The following ATG5 variants were observed in gnomAD, a reference collection of about 807,000 sequenced individuals.
The protein encoded by ATG5 is autophagy related 5, also known as autophagy protein 5.
In ATG5, 14 loss-of-function variants were observed where a neutral mutation model predicts 36.5. The ratio of observed to expected loss-of-function variants is 0.38; its 90% CI spans 0.25 to 0.60. ATG5 has a LOEUF of 0.60. Among genes scored for constraint, ATG5 ranks in the 20% least tolerant of loss-of-function variants. ATG5 has a pLI of 0.60. For synonymous variants in ATG5, 95 were observed against 101.5 expected (o/e 0.94, Z 0.38); for missense variants, 195 against 326.7 (o/e 0.60, Z 3.11).
At chr6:106,304,681 G>T (rs1035339496) in intron 3 of ATG5, among the ~76,000 whole-genome samples, 1 of 152,156 alleles carries the variant, frequency 6.6e-6, no homozygotes, top group East Asian at 1.9e-4. Context: ...GAAGGAAGAG[G>T]TAACTGTAAA....
At chr6:106,296,616 A>G (rs1419828527) in intron 3 of ATG5, among the ~76,000 whole-genome samples, 1 of 152,162 alleles carries the variant, frequency 6.6e-6, no homozygotes, top group Admixed American at 6.5e-5. Context: ...TTAGGAATTC[A>G]AGACCAGGCT....
At chr6:106,188,859 T>G (rs1775867680) in intron 7 of ATG5, among the ~76,000 whole-genome samples, 1 of 152,228 alleles carries the variant, frequency 6.6e-6, no homozygotes, top group African/African-American at 2.4e-5. Flanking sequence ...AAATATATTA[T>G]TTTGTCACTG....
At chr6:106,278,030 G>C (rs766535189) in intron 5 of ATG5, among the ~76,000 whole-genome samples, 8 of 151,914 alleles carry the variant, frequency 5.3e-5, no homozygotes, top group Non-Finnish European at 4.4e-5. Flanking sequence ...CTGTAACCTT[G>C]AACTCCTTGG....
chr6:106,231,311 CA>C lies in ATG5; in HGVS notation c.573+16838del, dbSNP rs1353840654. Among the ~76,000 whole-genome samples the C allele has an allele frequency of 9.2e-5, 14 of 152,308 alleles. No homozygotes were observed. In the East Asian group the frequency reaches 2.5e-3, roughly 27 times the overall value. On this transcript the variant is annotated intron_variant, in intron 6 of 7. Transcript: ENST00000369076. Reference sequence around the variant, plus strand: ...TTACTGCTAAATCAGACACTAACCCCAAATGACAGAAGTGTCGCCGTAACTG... The same window carrying C: ...TTACTGCTAAATCAGACACTAACCCCAATGACAGAAGTGTCGCCGTAACTG...
chr6:106,188,514 C>A (rs1039630057), intron 7 of ATG5, among the ~76,000 whole-genome samples: 12 of 152,052 alleles, frequency 7.9e-5, no homozygotes, highest in Admixed American at 7.2e-4. Flanking sequence ...GTATCTAAAG[C>A]AATATTTAAA....
chr6:106,313,426 T>C (rs1045186676), intron 2 of ATG5, among the ~76,000 whole-genome samples: 12 of 152,238 alleles, frequency 7.9e-5, no homozygotes, highest in African/African-American at 2.9e-4. Flanking sequence ...TAAGGGTCCA[T>C]GACATTGATG....
intron 6 of ATG5, among the ~76,000 whole-genome samples, chr6:106,219,120 T>TTA (rs1163203074): frequency 1.3e-5 from 2 of 152,214 alleles, no homozygotes; most frequent in Non-Finnish European, 2.9e-5. Context: ...TTCTTTTGTT[T>TTA]TATAACTATG....
At chr6:106,272,107 G>A (rs1779475269) in intron 5 of ATG5, among the ~76,000 whole-genome samples, 1 of 152,030 alleles carries the variant, frequency 6.6e-6, no homozygotes, top group Non-Finnish European at 1.5e-5. Context: ...TTCTCTCATG[G>A]CACTCATCAT....
intron 5 of ATG5, among the ~76,000 whole-genome samples, chr6:106,248,799 G>A (rs527599241): frequency 1.7e-4 from 26 of 152,056 alleles, no homozygotes; most frequent in Non-Finnish European, 3.4e-4. Flanking sequence ...TTAGCCAGGC[G>A]TGGTGGTGCA....
At chr6:106,207,272 A>C (rs1384146538) in intron 6 of ATG5, among the ~76,000 whole-genome samples, 1 of 152,218 alleles carries the variant, frequency 6.6e-6, no homozygotes, top group Non-Finnish European at 1.5e-5. Flanking sequence ...CTTATATGGG[A>C]AATTTACAGT....
intron 5 of ATG5, among the ~76,000 whole-genome samples, chr6:106,266,105 C>T (rs931593620): frequency 6.7e-6 from 1 of 150,008 alleles, no homozygotes; most frequent in Non-Finnish European, 1.5e-5. Context: ...ACTAGCTAGA[C>T]TAATAAAGAA....
At chr6:106,240,500 G>A (rs1159871503) in intron 6 of ATG5, among the ~76,000 whole-genome samples, 3 of 150,420 alleles carry the variant, frequency 2.0e-5, no homozygotes, top group South Asian at 2.1e-4. Context: ...CTCACTAAGT[G>A]TGAGAGAATT....
chr6:106,296,605 G>A (rs968996961), intron 3 of ATG5, among the ~76,000 whole-genome samples: 2 of 152,142 alleles, frequency 1.3e-5, no homozygotes, highest in Non-Finnish European at 2.9e-5. Context: ...TTCACCTGAG[G>A]TTAGGAATTC....
Position 106,313,825 on chromosome 6 carries a change from C to T in ATG5, c.108+2276G>A, listed in dbSNP as rs1770743274. On this transcript the variant is annotated intron_variant, in intron 2 of 7. Transcript: ENST00000369076. ...CCTCATCTGTAATTCTAAGACTAGC[C>T]ATCACTGATGTTTTATATATTTTCT... Among the ~76,000 whole-genome samples, 3 of 152,118 alleles carry T rather than the reference C, an allele frequency of 2.0e-5. No individual in the cohort carries two copies. The South Asian group carries it at 6.2e-4, about 31-fold the overall frequency.
At chr6:106,187,376 A>G (rs1196092107) in intron 7 of ATG5, among the ~76,000 whole-genome samples, 2 of 152,176 alleles carry the variant, frequency 1.3e-5, no homozygotes, top group Non-Finnish European at 2.9e-5. Flanking sequence ...TGTATTCCAA[A>G]TTAAACTTAA....
chr6:106,204,794 T>C (rs1468915300), intron 6 of ATG5, among the ~76,000 whole-genome samples: 2 of 152,218 alleles, frequency 1.3e-5, no homozygotes, highest in Non-Finnish European at 2.9e-5. Context: ...TGTGAGTCAA[T>C]TAAACCTTTT....
intron 6 of ATG5, among the ~76,000 whole-genome samples, chr6:106,219,288 T>C (rs1777153345): frequency 6.6e-6 from 1 of 152,200 alleles, no homozygotes; most frequent in South Asian, 2.1e-4. Flanking sequence ...TTGCAAATGT[T>C]ATAAAGTTCA....
intron 5 of ATG5, among the ~76,000 whole-genome samples, chr6:106,260,477 G>A (rs1778976820): frequency 6.6e-6 from 1 of 152,200 alleles, no homozygotes; most frequent in South Asian, 2.1e-4. Flanking sequence ...ACTGTGCGAA[G>A]AAATGCTTCT....
chr6:106,254,629 G>A (rs1486975236), intron 5 of ATG5, among the ~76,000 whole-genome samples: 1 of 152,214 alleles, frequency 6.6e-6, no homozygotes, highest in Non-Finnish European at 1.5e-5. Context: ...ATAGTTGTGT[G>A]AGTTTTAGCA....
Sources: allele counts gnomAD v4.1 joint callset (sites outside exome capture counted in the v4.1 genomes callset), GRCh38; gene constraint gnomAD v4.1.1; transcripts MANE v1.5; gene names NCBI Gene and HGNC (gene_info 2026-07-23, HGNC 2026-07-21).